Variants in PCGF3 observed in about 807,000 individuals in gnomAD.
PCGF3 encodes the protein polycomb group RING finger protein 3.
In PCGF3, 7 loss-of-function variants were observed where a neutral mutation model predicts 33.1. The ratio of observed to expected loss-of-function variants is 0.21; its 90% CI spans 0.12 to 0.40. PCGF3 has a LOEUF of 0.40. Among genes scored for constraint, PCGF3 ranks in the 10% least tolerant of loss-of-function variants. The pLI, the probability that PCGF3 is intolerant of heterozygous loss-of-function variation, is 1.00. For synonymous variants in PCGF3, 153 were observed against 121.3 expected (o/e 1.26, Z -1.72); for missense variants, 211 against 313.3 (o/e 0.67, Z 2.46).
rs749839354 is a variant in PCGF3 at position 740,156 on chromosome 4, G to T, written c.262+2635G>T. On this transcript the variant is annotated intron_variant, in intron 6 of 10. Transcript: ENST00000362003. ...TCTTCCTGAAACGCGCGTTAGCTGCGAGGATGCAGTGGTGAGGCGAGGTGT... is the reference window on the plus strand; with the variant it reads ...TCTTCCTGAAACGCGCGTTAGCTGCTAGGATGCAGTGGTGAGGCGAGGTGT... 3.3e-5 allele frequency among the ~76,000 whole-genome samples: 5 copies of T among 152,218 alleles called. No individual in the cohort carries two copies. In the East Asian group the frequency reaches 9.6e-4, roughly 29 times the overall value.
At position 752,867 on chromosome 4, in the gene PCGF3, C is replaced by T. The variant is rs1004604986; in HGVS notation, c.462+8179C>T. On this transcript the variant is annotated intron_variant, in intron 8 of 10. Coordinates refer to ENST00000362003, the Ensembl canonical transcript of PCGF3. ...CAAACACTCGGCCTCCGCCCATCTT[C>T]GTTTTCAGAGCCTCGGGATTGCCAG... 6.8e-4 allele frequency among the ~76,000 whole-genome samples: 104 copies of T among 152,394 alleles called. 1 individual carries two copies. Among genetic ancestry groups the T allele is most frequent in the East Asian group, 7.7e-4 (4 of 5,194 alleles).
chr4:724,296 C>T (rs1743235786), intron 1 of PCGF3, among the ~76,000 whole-genome samples: 1 of 152,300 alleles, frequency 6.6e-6, no homozygotes, highest in East Asian at 1.9e-4. Flanking sequence ...TTTTCCACAC[C>T]CGAGTCCGTC....
intron 1 of PCGF3, among the ~76,000 whole-genome samples, chr4:707,036 G>C (rs1205370176): frequency 6.6e-6 from 1 of 151,866 alleles, no homozygotes; most frequent in Non-Finnish European, 1.5e-5. Context: ...GGGAGGGCTG[G>C]GTCTTCAGAC....
At chr4:766,218 G>A (rs918511080) in exon 11 of PCGF3, 3 of 657,166 alleles carry the variant, frequency 4.6e-6, no homozygotes, top group African/African-American at 3.6e-5. Context: ...GTATGAGAGA[G>A]AATTCACACT....
intron 8 of PCGF3, chr4:757,395 C>T (rs986742724): frequency 4.6e-5 from 7 of 152,272 alleles, no homozygotes; most frequent in Non-Finnish European, 7.3e-5. Flanking sequence ...GTGAAGCCCA[C>T]CATGGCCATT....
At chr4:712,216 TGCCACGTTTCTCCC>T (rs1177645176) in intron 1 of PCGF3, among the ~76,000 whole-genome samples, 1 of 152,214 alleles carries the variant, frequency 6.6e-6, no homozygotes. Context: ...TTTCCAGATC[TGCCACGTTTCTCCC>T]GACAGAACTG....
In PCGF3 at chr4:719,315, TC is replaced by T. The variant is rs1409309322; in HGVS notation, c.-189-11313del. On this transcript the variant is annotated intron_variant, in intron 1 of 10. Transcript: ENST00000362003. ...AGCTGTGCAGAGAACCATGTAAAGT[TC>T]CGTTTTCCTCCTAACCTGGTCGTCT... Among the ~76,000 whole-genome samples the T allele has an allele frequency of 5.3e-5, 8 of 152,224 alleles. No homozygotes were observed. In the East Asian group the frequency reaches 1.3e-3, roughly 26 times the overall value.
chr4:755,390 C>T (rs1744723957), intron 8 of PCGF3, among the ~76,000 whole-genome samples: 2 of 152,166 alleles, frequency 1.3e-5, no homozygotes, highest in Admixed American at 6.5e-5. Context: ...CTTACTTGTT[C>T]TTTGCCCATC....
At chr4:733,254 A>G (rs1156253686) in intron 3 of PCGF3, among the ~76,000 whole-genome samples, 2 of 152,240 alleles carry the variant, frequency 1.3e-5, no homozygotes, top group Admixed American at 6.5e-5. Context: ...CAGAGGGTCC[A>G]GGTGCCCAGA....
chr4:763,671 AAC>A (rs543269647), intron 9 of PCGF3, among the ~76,000 whole-genome samples: 544 of 152,234 alleles, frequency 3.6e-3, no homozygotes, highest in African/African-American at 0.012. Flanking sequence ...GACAACACGA[AAC>A]ACACTCTCGG....
At chr4:715,907 T>C (rs1168779075) in intron 1 of PCGF3, among the ~76,000 whole-genome samples, 1 of 119,880 alleles carries the variant, frequency 8.3e-6, no homozygotes. Context: ...GGGTGAGAAC[T>C]GGGCGTCGGT....
intron 10 of PCGF3, among the ~76,000 whole-genome samples, chr4:765,792 G>A (rs1221059129): frequency 1.3e-5 from 2 of 152,154 alleles, no homozygotes; most frequent in Non-Finnish European, 2.9e-5. Context: ...CCACCACGGT[G>A]TGCACAGTGG....
At chr4:727,262 A>G (rs796112000) in intron 1 of PCGF3, among the ~76,000 whole-genome samples, 34 of 50,294 alleles carry the variant, frequency 6.8e-4, no homozygotes, top group Middle Eastern at 0.016. Flanking sequence ...TTTTTTTGAG[A>G]TGGAGTTTCA....
At chr4:706,419 C>G (rs1742305430) in intron 1 of PCGF3, among the ~76,000 whole-genome samples, 1 of 140,600 alleles carries the variant, frequency 7.1e-6, no homozygotes, top group African/African-American at 2.6e-5. Context: ...CCAGGCAGGA[C>G]TCCGGGAGGT....
rs770170473 is a variant in PCGF3, at chr4:761,240, A to C, written c.463-39A>C. On this transcript the variant is annotated intron_variant, in intron 8 of 10. Coordinates refer to ENST00000362003, the Ensembl canonical transcript of PCGF3. ...GAAGCCTCCAGAACCGTCCGGGGGA[A>C]CCCTCCTGCTGCGCTCTCACCAGCG... 2.0e-6 allele frequency: 3 copies of C among 1,518,486 alleles called. No individual in the cohort carries two copies. The East Asian group carries it at 7.2e-5, about 36-fold the overall frequency. The allele number at this position is 1,518,486 out of a possible 1,614,324, so 94.1% of individuals were successfully genotyped here.
chr4:722,423 T>TG (rs1743122563), intron 1 of PCGF3: 1 of 251,356 alleles, frequency 4.0e-6, no homozygotes, highest in Non-Finnish European at 7.9e-6. Flanking sequence ...GCGGAGTGTT[T>TG]TGGGGGTGTC....
intron 6 of PCGF3, among the ~76,000 whole-genome samples, chr4:739,951 TC>T (rs1191151064): frequency 6.6e-6 from 1 of 152,072 alleles, no homozygotes; most frequent in Admixed American, 6.5e-5. Context: ...TTCCGTTGAG[TC>T]AATATTCTTT....
chr4:748,476 G>A (rs1454996666), intron 8 of PCGF3, among the ~76,000 whole-genome samples: 8 of 152,138 alleles, frequency 5.3e-5, no homozygotes, highest in East Asian at 1.9e-4. Context: ...ATGAGCCACC[G>A]CGCCCAGCCA....
intron 8 of PCGF3, among the ~76,000 whole-genome samples, chr4:755,874 C>CCCT (rs888416781): frequency 6.7e-6 from 1 of 149,978 alleles, no homozygotes; most frequent in South Asian, 2.1e-4. Context: ...GAGTACATAC[C>CCCT]CCTCCTCATT....
Sources: gnomAD v4.1 joint callset for allele counts (sites outside exome capture counted in the v4.1 genomes callset) on GRCh38, gnomAD v4.1.1 for gene constraint, MANE v1.5 for transcripts, NCBI Gene and HGNC (gene_info 2026-07-23, HGNC 2026-07-21) for gene names.